TLN1: variants seen among roughly 807,000 people sequenced by gnomAD.
TLN1 encodes the protein talin 1, also known as talin-1.
A neutral mutation model predicts 292.3 loss-of-function variants in TLN1; 56 were observed. That is an observed-to-expected ratio of 0.19 (90% CI 0.15 to 0.24). TLN1 has a LOEUF of 0.24. TLN1 is among the 10% of genes least tolerant of loss of function. The probability of loss-of-function intolerance (pLI) is 1.00; values close to 1 mark genes in which losing one functional copy is unlikely to be tolerated. For missense variants in TLN1, 2,433 were observed against 3,248.2 expected (o/e 0.75, Z 6.10); for synonymous variants, 1,119 against 1,253.7 (o/e 0.89, Z 2.27).
chr9:35,717,642 A>G lies in TLN1; in HGVS notation c.2140T>C (p.Ser714Pro). The G allele has an allele frequency of 6.2e-7, 1 of 1,613,738 alleles. No homozygotes were observed. The highest frequency in any genetic ancestry group is 8.5e-7 in the Non-Finnish European group (1 of 1,179,666). ...AAATQCALSTSQLVACTKVVA... is the reference protein window; with the variant it reads ...AAATQCALSTPQLVACTKVVA... ...ACCTTAGTACAGGCCACTAGTTGGGAAGTGGATAGGGCACACTGTGTTGCT... is the reference window on the plus strand; with the variant it reads ...ACCTTAGTACAGGCCACTAGTTGGGGAGTGGATAGGGCACACTGTGTTGCT... The change falls in exon 18 of 57, where the codon TCC (serine) becomes CCC (proline). Residue 714 changes from serine to proline, a missense_variant. By Grantham distance (74) the Ser-to-Pro change is moderately conservative (BLOSUM62 -1). Transcript: ENST00000314888. The surrounding 1 kb of genome is among the most constrained non-coding windows in gnomAD (Gnocchi z 4.7).
At chr9:35,730,347 G>GT (rs1384697658) in intron 1 of TLN1, among the ~76,000 whole-genome samples, 2 of 151,224 alleles carry the variant, frequency 1.3e-5, no homozygotes, top group African/African-American at 4.8e-5. Flanking sequence ...TGAAGTGGGG[G>GT]TGTGGTCAGT....
In TLN1 at chr9:35,698,310, T is replaced by C; in HGVS notation, c.7371+13A>G. 1 of 1,613,506 alleles carries C rather than the reference T, an allele frequency of 6.2e-7. No homozygotes were observed. Among genetic ancestry groups the C allele is most frequent in the Non-Finnish European group, 8.5e-7 (1 of 1,179,626 alleles). Reference sequence around the variant, plus strand: ...ATAGCCCAAGGGACAATGGGATGGGTCAGGGTTCTCACCTGAAGTCGTTTC... The same window carrying C: ...ATAGCCCAAGGGACAATGGGATGGGCCAGGGTTCTCACCTGAAGTCGTTTC... On this transcript the variant is annotated intron_variant, in intron 55 of 56. Coordinates refer to ENST00000314888, the MANE Select transcript of TLN1 (RefSeq NM_006289.4). This position sits in a 1 kb window ranked among gnomAD's most constrained non-coding sequence, Gnocchi z 5.3.
At chr9:35,713,173 T>C (rs763833014) in intron 26 of TLN1, 23 bp downstream of exon 26, 10 of 1,586,812 alleles carry the variant, frequency 6.3e-6, no homozygotes, top group South Asian at 4.5e-5. Context: ...ATATGCCCCA[T>C]GCCTGGCTCT....
intron 28 of TLN1, 46 bp from the exon 29 acceptor site, chr9:35,711,838 C>G: frequency 6.2e-7 from 1 of 1,611,186 alleles, no homozygotes; most frequent in Middle Eastern, 1.7e-4. Context: ...GGGAATGATG[C>G]AGGGAGAAGT....
At chr9:35,713,923 G>C (rs368339236) in intron 25 of TLN1, 30 bp downstream of exon 25, 444 of 1,613,318 alleles carry the variant, frequency 2.8e-4, no homozygotes, top group Non-Finnish European at 2.6e-4. Context: ...TTTAGGATTT[G>C]AGTAAGAATG....
At position 35,720,918 on chromosome 9, in the gene TLN1, G is replaced by C; in HGVS notation, c.1105-5C>G. 6.2e-7 allele frequency: 1 copy of C among 1,607,802 alleles called. No individual in the cohort carries two copies. Among genetic ancestry groups the C allele is most frequent in the Non-Finnish European group, 8.5e-7 (1 of 1,174,312 alleles). ...ATCTTGGTAATCTCCAAAATCCTAGGGTGACAAGTGGGGGACTCAGAGGGA... is the reference window on the plus strand; with the variant it reads ...ATCTTGGTAATCTCCAAAATCCTAGCGTGACAAGTGGGGGACTCAGAGGGA... On this transcript the variant is annotated splice_polypyrimidine_tract_variant and splice_region_variant and intron_variant, in intron 10 of 56. Coordinates refer to ENST00000314888, the MANE Select transcript of TLN1 (RefSeq NM_006289.4).
chr9:35,719,186 G>C lies in TLN1; in HGVS notation c.1784C>G (p.Ala595Gly). 6.2e-7 allele frequency: 1 copy of C among 1,614,234 alleles called. No individual in the cohort carries two copies. The highest frequency in any genetic ancestry group is 8.5e-7 in the Non-Finnish European group (1 of 1,180,032). The change falls in exon 16 of 57, where the codon GCT (alanine) becomes GGT (glycine). Residue 595 changes from alanine (A) to glycine (G), a missense_variant. Transcript: ENST00000314888. The surrounding 1 kb of genome is among the most constrained non-coding windows in gnomAD (Gnocchi z 4.6). ...TEMSRGVKLL[A>G]ALLEDEGGSG... The stretch of plus-strand genomic sequence containing the variant: ...GCCGCCTTCGTCCTCCAGCAAGGCA[G>C]CCAGCAGCTTCACCCCACGGGACAT...
At chr9:35,708,186 A>G (rs1384842118) in intron 34 of TLN1, among the ~76,000 whole-genome samples, 155 bp downstream of exon 34, 1 of 152,252 alleles carries the variant, frequency 6.6e-6, no homozygotes, top group Non-Finnish European at 1.5e-5. Context: ...GATGAGACCC[A>G]TGGCAGAAAA....
chr9:35,707,882 G>A lies in TLN1; in HGVS notation c.4481C>T (p.Ala1494Val). ...PGCTQAQVLS[A>V]ATIVAKHTSA... The stretch of plus-strand genomic sequence containing the variant: ...GGTGTGTTTAGCCACAATGGTGGCT[G>A]CAGAGAGCACCTGAGGAGACACATG... The change falls in exon 35 of 57, where the codon GCA becomes GTA. Residue 1494 changes from alanine to valine, a missense_variant. This residue lies in a region of TLN1 where 1,384 missense variants were observed against 1,699.6 expected (regional missense o/e 0.81). Transcript: ENST00000314888. The surrounding 1 kb of genome is among the most constrained non-coding windows in gnomAD (Gnocchi z 5.6). 6.2e-7 allele frequency: 1 copy of A among 1,613,966 alleles called. No individual in the cohort carries two copies. Among genetic ancestry groups the A allele is most frequent in the Middle Eastern group, 1.7e-4 (1 of 6,052 alleles).
At chr9:35,731,909 C>T (rs1046631416) in intron 1 of TLN1, among the ~76,000 whole-genome samples, 166 bp downstream of exon 1, 2 of 152,160 alleles carry the variant, frequency 1.3e-5, no homozygotes, top group Non-Finnish European at 2.9e-5. Context: ...CTGTCTTCCC[C>T]AAGACGGCCT....
Position 35,719,337 on chromosome 9 carries a change from G to T in TLN1, c.1688-55C>A. 1 of 1,557,962 alleles carries T rather than the reference G, an allele frequency of 6.4e-7. No individual in the cohort carries two copies. Among genetic ancestry groups the T allele is most frequent in the Non-Finnish European group, 8.8e-7 (1 of 1,136,806 alleles). ...AGAGACAGGGCAGGCCAGACGAAGG[G>T]CTGGGGAGGGAGCAAAGTCACACCC... On this transcript the variant is annotated intron_variant, in intron 15 of 56. Coordinates refer to ENST00000314888, the MANE Select transcript of TLN1 (RefSeq NM_006289.4). This position sits in a 1 kb window ranked among gnomAD's most constrained non-coding sequence, Gnocchi z 4.6.
intron 1 of TLN1, among the ~76,000 whole-genome samples, chr9:35,727,434 C>G (rs1011385296): frequency 2.0e-5 from 3 of 152,158 alleles, no homozygotes; most frequent in Non-Finnish European, 4.4e-5. Context: ...GATCAGCGGT[C>G]TGGTACCAAG....
chr9:35,726,851 G>C (rs759815973), intron 1 of TLN1, among the ~76,000 whole-genome samples: 9 of 152,244 alleles, frequency 5.9e-5, no homozygotes, highest in Non-Finnish European at 1.2e-4. Flanking sequence ...AGACAGGCCA[G>C]AGAAAGGACC....
At chr9:35,711,157 T>C in intron 30 of TLN1, 75 bp from the exon 31 acceptor site, 1 of 1,609,980 alleles carries the variant, frequency 6.2e-7, no homozygotes, top group South Asian at 1.1e-5. Context: ...ATTTATCTTT[T>C]GCCTATAACC....
Position 35,699,325 on chromosome 9 carries a change from C to CCAT in TLN1, c.6874+28_6874+30dup. ...GAGATCACACCATGATAAGGGTTTT[C>CCAT]CATCCGTCCCTGTCCCTGGTCACCC... On this transcript the variant is annotated intron_variant, in intron 51 of 56. Transcript: ENST00000314888. The surrounding 1 kb of genome is among the most constrained non-coding windows in gnomAD (Gnocchi z 4.0). 6.3e-7 allele frequency: 1 copy of CCAT among 1,592,332 alleles called. No homozygotes were observed. Among genetic ancestry groups the CCAT allele is most frequent in the African/African-American group, 1.3e-5 (1 of 74,570 alleles).
chr9:35,705,742 A>G lies in TLN1; in HGVS notation c.5613+8T>C. On this transcript the variant is annotated splice_region_variant and intron_variant, in intron 42 of 56. Transcript: ENST00000314888. ...GAGGGCAGTCCTCTGGGACTCGCCCAAACTCACCATCTCCTGAACGGTCAC... is the reference window on the plus strand; with the variant it reads ...GAGGGCAGTCCTCTGGGACTCGCCCGAACTCACCATCTCCTGAACGGTCAC... 2 of 1,614,226 alleles carry G rather than the reference A, an allele frequency of 1.2e-6. No homozygotes were observed. The highest frequency in any genetic ancestry group is 1.7e-6 in the Non-Finnish European group (2 of 1,180,034).
chr9:35,702,485 A>T (rs1825482226), intron 48 of TLN1, among the ~76,000 whole-genome samples: 1 of 151,668 alleles, frequency 6.6e-6, no homozygotes, highest in African/African-American at 2.4e-5. Context: ...AAAGAATTTC[A>T]TTTTTTTTCT....
intron 28 of TLN1, 36 bp from the exon 29 acceptor site, chr9:35,711,828 G>C (rs371261648): frequency 6.2e-7 from 1 of 1,612,430 alleles, no homozygotes; most frequent in East Asian, 2.2e-5. Context: ...CAGAAGAGTG[G>C]GGAATGATGC....
At position 35,704,380 on chromosome 9, in the gene TLN1, G is replaced by A. The variant is rs1249581446; in HGVS notation, c.5999C>T (p.Thr2000Ile). The change falls in exon 45 of 57, where the codon ACT becomes ATT. Residue 2000 changes from threonine (T) to isoleucine (I), a missense_variant. Transcript: ENST00000314888. This position sits in a 1 kb window ranked among gnomAD's most constrained non-coding sequence, Gnocchi z 6.9. ...ADLDTTIMFA[T>I]AGTLNREGTE... The stretch of plus-strand genomic sequence containing the variant: ...ACCCTCACGATTGAGCGTGCCAGCA[G>A]TGGCGAACATGATGGTGGTGTCGAG... The A allele has an allele frequency of 1.9e-6, 3 of 1,614,112 alleles. No individual in the cohort carries two copies. The highest frequency in any genetic ancestry group is 1.3e-5 in the African/African-American group (1 of 74,952).
Sources: allele counts gnomAD v4.1 joint callset (sites outside exome capture counted in the v4.1 genomes callset), GRCh38; gene constraint gnomAD v4.1.1; regional missense constraint gnomAD v4.1.1; non-coding constraint Gnocchi (gnomAD v3.1); transcripts MANE v1.5; gene names NCBI Gene and HGNC (gene_info 2026-07-23, HGNC 2026-07-21).